The following DUSP10 variants were observed in gnomAD, a reference collection of about 807,000 sequenced individuals.
DUSP10 encodes the protein dual specificity protein phosphatase 10.
In DUSP10, 14 loss-of-function variants were observed where a neutral mutation model predicts 30.8. The observed-to-expected ratio is 0.46, with a 90% CI of 0.30 to 0.71. DUSP10 has a LOEUF of 0.71. Ranked by LOEUF, DUSP10 falls within the 30% of genes least tolerant of loss-of-function variation. The probability of loss-of-function intolerance (pLI) is 0.08; values close to 1 mark genes in which losing one functional copy is unlikely to be tolerated. For missense variants in DUSP10, 550 were observed against 619.4 expected, an observed-to-expected ratio of 0.89 and a Z score of 1.19; for synonymous variants, 254 against 250.4, an observed-to-expected ratio of 1.01 and a Z score of -0.14.
At chr1:221,720,098 G>A (rs1661233149) in intron 2 of DUSP10, among the ~76,000 whole-genome samples, 1 of 152,130 alleles carries the variant, frequency 6.6e-6, no homozygotes, top group South Asian at 2.1e-4. Context: ...ACTGTGATAT[G>A]AAAAAATATA....
rs180882628 is a variant in DUSP10 at position 221,736,423 on chromosome 1, T to C, written c.811+2511A>G. 2.2e-3 allele frequency among the ~76,000 whole-genome samples: 337 copies of C among 152,276 alleles called. 1 individual carries two copies. The highest frequency in any genetic ancestry group is 7.8e-3 in the African/African-American group (322 of 41,546). The stretch of plus-strand genomic sequence containing the variant: ...CCTGCAAAAATTACTCCTTCCGAAA[T>C]GGTACCACTACCACTCTTGCTGAAA... On this transcript the variant is annotated intron_variant, in intron 2 of 3. Transcript: ENST00000366899.
chr1:221,716,601 T>C (rs923938367), intron 2 of DUSP10, among the ~76,000 whole-genome samples: 6 of 151,838 alleles, frequency 4.0e-5, no homozygotes, highest in Non-Finnish European at 7.4e-5. Context: ...CTAAAGAAAA[T>C]AAGAGTAAGT....
rs952163864 is a variant in DUSP10, at chr1:221,706,790, C to A, written c.812-324G>T. On this transcript the variant is annotated intron_variant, in intron 2 of 3. Transcript: ENST00000366899. This position sits in a 1 kb window ranked among gnomAD's most constrained non-coding sequence, Gnocchi z 4.6. ...CAATCTTCCTCAGCTGCAAATGTGA[C>A]CTGCCTCAAAGAGCCATATGCTCAG... Among the ~76,000 whole-genome samples, 1 of 152,084 alleles carries A rather than the reference C, an allele frequency of 6.6e-6. No homozygotes were observed. The highest frequency in any genetic ancestry group is 2.1e-4 in the South Asian group (1 of 4,826).
intron 2 of DUSP10, among the ~76,000 whole-genome samples, chr1:221,707,794 A>G (rs758047527): frequency 3.3e-5 from 5 of 152,240 alleles, no homozygotes; most frequent in Non-Finnish European, 5.9e-5. Context: ...TAAATAAAAC[A>G]TTTTGGTTTA....
intron 2 of DUSP10, among the ~76,000 whole-genome samples, chr1:221,729,036 C>T (rs959576636): frequency 2.6e-5 from 4 of 152,158 alleles, no homozygotes; most frequent in Admixed American, 2.0e-4. Flanking sequence ...TGAACCTCTC[C>T]GAGTTTCAGT....
rs750808897 is a variant in DUSP10, at chr1:221,739,777, C to G, written c.-33G>C. 1.3e-6 allele frequency: 2 copies of G among 1,537,646 alleles called. No individual in the cohort carries two copies. The highest frequency in any genetic ancestry group is 1.7e-6 in the Non-Finnish European group (2 of 1,144,380). ...CTGAAAACTGGCAATTCAAGAAGAA[C>G]TCAAGACAGTCTGTAAAGAAGGGGA... On this transcript the variant is annotated 5_prime_UTR_variant, in exon 2 of 4. Transcript: ENST00000366899.
chr1:221,722,496 G>A (rs1661305729), intron 2 of DUSP10, among the ~76,000 whole-genome samples: 1 of 152,206 alleles, frequency 6.6e-6, no homozygotes, highest in South Asian at 2.1e-4. Context: ...TGGTGTGGTG[G>A]CAGATGAAAA....
At chr1:221,738,912 G>T in intron 2 of DUSP10, 22 bp downstream of exon 2, 1 of 1,577,222 alleles carries the variant, frequency 6.3e-7, no homozygotes. Context: ...GACCGTGCTT[G>T]GGAAGGGAGC....
intron 2 of DUSP10, among the ~76,000 whole-genome samples, chr1:221,736,113 C>T (rs1661760503): frequency 6.6e-6 from 1 of 152,174 alleles, no homozygotes; most frequent in Non-Finnish European, 1.5e-5. Flanking sequence ...GCTGCCATGC[C>T]TCTGATCGGT....
intron 2 of DUSP10, among the ~76,000 whole-genome samples, chr1:221,734,922 C>T (rs570109893): frequency 3.0e-4 from 46 of 152,066 alleles, no homozygotes; most frequent in African/African-American, 9.6e-4. Context: ...ACCCCACCCC[C>T]GAAAAAAGGG....
intron 2 of DUSP10, among the ~76,000 whole-genome samples, chr1:221,712,777 CAAAAAAAAAAA>C (rs58249338): frequency 3.5e-5 from 2 of 56,950 alleles, no homozygotes; most frequent in African/African-American, 7.9e-5. Flanking sequence ...TATAAAGCAG[CAAAAAAAAAAA>C]AAAAAAAAAA....
chr1:221,722,091 G>A (rs1205344055), intron 2 of DUSP10, among the ~76,000 whole-genome samples: 3 of 152,120 alleles, frequency 2.0e-5, no homozygotes, highest in Non-Finnish European at 4.4e-5. Context: ...GTGCACCTTT[G>A]GGCAAGTTAC....
At chr1:221,703,879 G>A (rs1660682805) in intron 3 of DUSP10, among the ~76,000 whole-genome samples, 1 of 152,122 alleles carries the variant, frequency 6.6e-6, no homozygotes, top group Admixed American at 6.5e-5. Context: ...AAAACCTGAT[G>A]TAAATTTTCA....
At chr1:221,707,527 CTTATTTCTCCATTTT>C (rs1352873468) in intron 2 of DUSP10, among the ~76,000 whole-genome samples, 1 of 152,124 alleles carries the variant, frequency 6.6e-6, no homozygotes, top group Non-Finnish European at 1.5e-5. Context: ...ATAAACTGTG[CTTATTTCTCCATTTT>C]TAAAATGCAA....
At chr1:221,705,776 C>T (rs1303709461) in intron 3 of DUSP10, among the ~76,000 whole-genome samples, 1 of 152,228 alleles carries the variant, frequency 6.6e-6, no homozygotes, top group Non-Finnish European at 1.5e-5. Flanking sequence ...TACTTTCCAT[C>T]CACTTTTCTG....
chr1:221,708,365 G>C (rs2102616898), intron 2 of DUSP10, among the ~76,000 whole-genome samples: 1 of 152,324 alleles, frequency 6.6e-6, no homozygotes, highest in East Asian at 1.9e-4. Context: ...CCTAGACCGA[G>C]TCTCATGACT....
At chr1:221,726,966 G>A (rs1298352886) in intron 2 of DUSP10, among the ~76,000 whole-genome samples, 6 of 152,088 alleles carry the variant, frequency 3.9e-5, no homozygotes, top group Middle Eastern at 3.4e-3. Context: ...GTATGCATTC[G>A]TTATTGTTCA....
At chr1:221,707,940 A>G (rs1416582155) in intron 2 of DUSP10, among the ~76,000 whole-genome samples, 3 of 152,230 alleles carry the variant, frequency 2.0e-5, no homozygotes, top group African/African-American at 7.2e-5. Flanking sequence ...ATATTTTTAC[A>G]CACAATGGCA....
chr1:221,722,241 T>A (rs1032635098), intron 2 of DUSP10, among the ~76,000 whole-genome samples: 2 of 152,202 alleles, frequency 1.3e-5, no homozygotes, highest in African/African-American at 4.8e-5. Flanking sequence ...ATAACGCTCT[T>A]GAAAGGTAGA....
Sources: gnomAD v4.1 joint callset for allele counts (sites outside exome capture counted in the v4.1 genomes callset) on GRCh38, gnomAD v4.1.1 for gene constraint, Gnocchi (gnomAD v3.1) non-coding constraint, MANE v1.5 for transcripts, NCBI Gene and HGNC (gene_info 2026-07-23, HGNC 2026-07-21) for gene names.